PRKD3: variants seen among roughly 807,000 people sequenced by gnomAD.
PRKD3 encodes the protein serine/threonine-protein kinase D3.
Under a neutral mutation model 99.2 loss-of-function variants are expected in PRKD3, and 47 were observed. The ratio of observed to expected loss-of-function variants is 0.47; its 90% CI spans 0.38 to 0.60. PRKD3 has a LOEUF of 0.60. PRKD3 is among the 20% of genes least tolerant of loss of function. The probability of loss-of-function intolerance (pLI) is 0.00; values close to 1 mark genes in which losing one functional copy is unlikely to be tolerated. For synonymous variants in PRKD3, 392 were observed against 355.4 expected (o/e 1.10, Z -1.16); for missense variants, 1,019 against 1,088.4 (o/e 0.94, Z 0.90).
At chr2:37,263,305 T>C (rs781134595) in intron 14 of PRKD3, among the ~76,000 whole-genome samples, 1 of 152,212 alleles carries the variant, frequency 6.6e-6, no homozygotes, top group African/African-American at 2.4e-5. Context: ...TGTAGGAGCT[T>C]GTTTTCTGAT....
intron 1 of PRKD3, among the ~76,000 whole-genome samples, chr2:37,317,545 T>C (rs188596294): frequency 6.6e-6 from 1 of 152,086 alleles, no homozygotes; most frequent in Admixed American, 6.6e-5. Context: ...GACATTTTCA[T>C]AGACATACAA....
intron 2 of PRKD3, among the ~76,000 whole-genome samples, chr2:37,305,720 C>G (rs934227888): frequency 2.6e-5 from 4 of 152,094 alleles, no homozygotes; most frequent in Admixed American, 2.6e-4. Context: ...AAGAGCAAAC[C>G]AATGTAAGCA....
intron 10 of PRKD3, among the ~76,000 whole-genome samples, chr2:37,275,515 C>G (rs1344618060): frequency 6.6e-6 from 1 of 152,058 alleles, no homozygotes; most frequent in Admixed American, 6.6e-5. Context: ...AGAAGGAAAG[C>G]AGCAGCAACC....
chr2:37,250,862 C>T lies in PRKD3; in HGVS notation c.*2315G>A, dbSNP rs1046927. The T allele has an allele frequency of 0.025, 3,789 of 152,666 alleles. 64 individuals are homozygous for T. Among genetic ancestry groups the T allele is most frequent in the South Asian group, 0.041 (196 of 4,826 alleles). The allele number at this position is 152,666 out of a possible 1,614,324, so 9.5% of individuals were successfully genotyped here. ...CTAGCAATTACTTCTTTTACAAACA[C>T]GACTTAAAGACAAAAAGTTATGCAG... On this transcript the variant is annotated 3_prime_UTR_variant, in exon 19 of 19. Coordinates refer to ENST00000234179, the MANE Select transcript of PRKD3 (RefSeq NM_005813.6).
intron 2 of PRKD3, among the ~76,000 whole-genome samples, chr2:37,308,237 T>C (rs779296579): frequency 1.2e-3 from 184 of 152,228 alleles, no homozygotes; most frequent in Non-Finnish European, 1.8e-3. Context: ...CCAATCTTGT[T>C]GCTTTTACTT....
At chr2:37,324,068 C>G in intron 1 of PRKD3, 1 of 476,334 alleles carries the variant, frequency 2.1e-6, no homozygotes, top group Non-Finnish European at 2.7e-6. Context: ...CAGTGGCACT[C>G]CTCAGTGTTT....
At chr2:37,319,702 T>C (rs1158218) in intron 1 of PRKD3, among the ~76,000 whole-genome samples, 49,603 of 151,624 alleles carry the variant, frequency 0.33, 8,860 homozygotes, top group East Asian at 0.43. Context: ...TTACTCAGCC[T>C]ATATCACAAT....
chr2:37,251,819 A>G lies in PRKD3; in HGVS notation c.*1358T>C, dbSNP rs931274549. 10 of 152,200 alleles carry G rather than the reference A, an allele frequency of 6.6e-5. No homozygotes were observed. The highest frequency in any genetic ancestry group is 2.2e-4 in the African/African-American group (9 of 41,532). 9.4% of individuals were successfully genotyped at this position (152,200 alleles called of 1,614,324 possible). A position where few individuals can be genotyped will look rare whatever the true frequency, so the allele number is the denominator to read the frequency against. ...TCTGTCCAGGCCAACATAACTAACAAGTAGTGGAGTCCAAGACCTCAGCAA... is the reference window on the plus strand; with the variant it reads ...TCTGTCCAGGCCAACATAACTAACAGGTAGTGGAGTCCAAGACCTCAGCAA... On this transcript the variant is annotated 3_prime_UTR_variant, in exon 19 of 19. Coordinates refer to ENST00000234179, the MANE Select transcript of PRKD3 (RefSeq NM_005813.6).
intron 2 of PRKD3, among the ~76,000 whole-genome samples, chr2:37,297,024 C>T (rs184705885): frequency 1.7e-4 from 26 of 151,228 alleles, no homozygotes; most frequent in Non-Finnish European, 3.2e-4. Flanking sequence ...AATGAGCACA[C>T]ATTCATTATG....
At chr2:37,286,041 A>C (rs1396155845) in intron 6 of PRKD3, 136 bp downstream of exon 6, 2 of 808,280 alleles carry the variant, frequency 2.5e-6, no homozygotes, top group Non-Finnish European at 3.7e-6. Context: ...TATTTTGTTT[A>C]TATTTCTCTT....
At chr2:37,302,345 G>C (rs1259141505) in intron 2 of PRKD3, among the ~76,000 whole-genome samples, 4 of 152,152 alleles carry the variant, frequency 2.6e-5, no homozygotes, top group Admixed American at 2.0e-4. Flanking sequence ...GAATGCAACA[G>C]AATATCAGTT....
Position 37,308,641 on chromosome 2 carries a change from G to C in PRKD3, c.288+7596C>G, listed in dbSNP as rs868524129. Among the ~76,000 whole-genome samples the C allele has an allele frequency of 6.7e-4, 102 of 152,114 alleles. No homozygotes were observed. In the Middle Eastern group the frequency reaches 0.027, roughly 41 times the overall value. The stretch of plus-strand genomic sequence containing the variant: ...GGCTAGTTTTTGTATTTTTAGTAGA[G>C]ACAGGCTTTTGCCATGTTGGCCAGG... On this transcript the variant is annotated intron_variant, in intron 2 of 18. Coordinates refer to ENST00000234179, the MANE Select transcript of PRKD3 (RefSeq NM_005813.6).
At chr2:37,282,671 A>C in intron 6 of PRKD3, 52 bp from the exon 7 acceptor site, 1 of 1,200,156 alleles carries the variant, frequency 8.3e-7, no homozygotes, top group Non-Finnish European at 1.2e-6. Flanking sequence ...AAGCAGTATC[A>C]GATATGGTTA....
At chr2:37,312,875 G>A (rs1671497465) in intron 2 of PRKD3, among the ~76,000 whole-genome samples, 1 of 152,144 alleles carries the variant, frequency 6.6e-6, no homozygotes, top group Admixed American at 6.5e-5. Flanking sequence ...GGTTCCACTA[G>A]GTCCTACTAG....
chr2:37,254,495 T>G (rs1038989951), intron 17 of PRKD3, among the ~76,000 whole-genome samples: 1 of 152,216 alleles, frequency 6.6e-6, no homozygotes, highest in Non-Finnish European at 1.5e-5. Context: ...ATTGCCTTTA[T>G]AAGGCAGTAT....
chr2:37,305,876 C>A (rs1242494787), intron 2 of PRKD3, among the ~76,000 whole-genome samples: 3 of 152,084 alleles, frequency 2.0e-5, no homozygotes, highest in African/African-American at 7.2e-5. Context: ...TGGGGCTTTA[C>A]ATTTAACCAC....
At chr2:37,310,349 G>A (rs757082420) in intron 2 of PRKD3, among the ~76,000 whole-genome samples, 1 of 152,140 alleles carries the variant, frequency 6.6e-6, no homozygotes, top group Non-Finnish European at 1.5e-5. Flanking sequence ...ATTGGGCTAA[G>A]CATTTTAGAA....
intron 16 of PRKD3, among the ~76,000 whole-genome samples, chr2:37,257,140 G>A (rs574365097): frequency 3.9e-5 from 6 of 152,244 alleles, no homozygotes; most frequent in Non-Finnish European, 7.4e-5. Context: ...ACAGTATGAA[G>A]AGCTTTCCTA....
intron 5 of PRKD3, among the ~76,000 whole-genome samples, chr2:37,287,567 G>A (rs540137806): frequency 1.3e-5 from 2 of 152,292 alleles, no homozygotes; most frequent in East Asian, 3.9e-4. Context: ...CAGTGAGGAT[G>A]CAAGCAGGTA....
Sources: allele counts gnomAD v4.1 joint callset (sites outside exome capture counted in the v4.1 genomes callset), GRCh38; gene constraint gnomAD v4.1.1; transcripts MANE v1.5; gene names NCBI Gene and HGNC (gene_info 2026-07-23, HGNC 2026-07-21).